NDUFS7: variants seen among roughly 807,000 people sequenced by gnomAD.
The protein encoded by NDUFS7 is NADH:ubiquinone oxidoreductase core subunit S7.
A neutral mutation model predicts 31.1 loss-of-function variants in NDUFS7; 11 were observed. The ratio of observed to expected loss-of-function variants is 0.35; its 90% CI spans 0.22 to 0.59. NDUFS7 has a LOEUF of 0.59. Ranked by LOEUF, NDUFS7 falls within the 20% of genes least tolerant of loss-of-function variation. NDUFS7 has a pLI of 0.79. For synonymous variants in NDUFS7, 136 were observed against 127.9 expected, an observed-to-expected ratio of 1.06 and a Z score of -0.43; for missense variants, 263 against 324.2, an observed-to-expected ratio of 0.81 and a Z score of 1.45.
chr19:1,388,920 C>CCGGGTGA lies in NDUFS7; in HGVS notation c.210_211insCGGGTGA (p.Val71ArgfsTer?). 2 of 1,608,594 alleles carry CCGGGTGA rather than the reference C, an allele frequency of 1.2e-6. No homozygotes were observed. The highest frequency in any genetic ancestry group is 1.7e-6 in the Non-Finnish European group (2 of 1,177,918). On this transcript the variant is annotated frameshift_variant, in exon 4 of 8. Transcript: ENST00000233627. LOFTEE classifies it high-confidence loss of function. ...ATGTGGTGGCCAAGCTGGATGACCT[C>CCGGGTGA]GTCAACTGGGCCCGCCGGGTGAGTA...
chr19:1,395,446 G>A lies in NDUFS7; in HGVS notation c.600G>A (p.Lys200=), dbSNP rs1232761092. Residue 200 remains lysine (K), a synonymous_variant, in exon 8 of 8, where the codon AAG becomes AAA. Transcript: ENST00000233627. The part of the protein sequence containing the change: ...LLYGILQLQR[K]IKRERRLQIW... ...ACGGCATCCTGCAGCTGCAGAGGAA[G>A]ATCAAGCGGGAGCGGAGGCTGCAGA... is the stretch of plus-strand genomic sequence containing the variant. 5.0e-6 allele frequency: 8 copies of A among 1,600,088 alleles called. No homozygotes were observed. In the African/African-American group the frequency reaches 8.0e-5, roughly 16 times the overall value.
At chr19:1,389,042 CACAT>C in intron 4 of NDUFS7, 104 bp downstream of exon 4, 3 of 921,894 alleles carry the variant, frequency 3.3e-6, no homozygotes, top group Admixed American at 2.0e-5. Context: ...ACACACACAA[CACAT>C]GCATGCACAC....
At chr19:1,395,138 G>A (rs559141565) in intron 7 of NDUFS7, 2 of 1,395,616 alleles carry the variant, frequency 1.4e-6, no homozygotes, top group East Asian at 2.7e-5. Context: ...TGTCCGAGAG[G>A]TCCCTGTGAC....
chr19:1,391,579 C>T (rs1438576152), intron 6 of NDUFS7, among the ~76,000 whole-genome samples: 4 of 151,302 alleles, frequency 2.6e-5, no homozygotes, highest in African/African-American at 9.7e-5. Flanking sequence ...CTCCGCCTCC[C>T]AGGTTCAAGC....
At chr19:1,384,093 C>A in intron 1 of NDUFS7, 151 bp downstream of exon 1, 1 of 856,650 alleles carries the variant, frequency 1.2e-6, no homozygotes, top group Non-Finnish European at 1.7e-6. Context: ...GGGCTCCCCG[C>A]CCGGCTTGCG....
intron 6 of NDUFS7, 140 bp downstream of exon 6, chr19:1,391,305 G>T: frequency 9.1e-7 from 1 of 1,099,034 alleles, no homozygotes; most frequent in East Asian, 2.6e-5. Context: ...CAGCCGTCTC[G>T]GTGCCTCCAC....
intron 1 of NDUFS7, among the ~76,000 whole-genome samples, chr19:1,385,851 C>T (rs546006680): frequency 1.3e-5 from 2 of 152,236 alleles, no homozygotes; most frequent in Admixed American, 6.5e-5. Context: ...AAAACCCTGA[C>T]CCAGAGGCAC....
At chr19:1,384,024 G>C in intron 1 of NDUFS7, 82 bp downstream of exon 1, 1 of 1,447,484 alleles carries the variant, frequency 6.9e-7, no homozygotes, top group Non-Finnish European at 9.2e-7. Flanking sequence ...GGCGTCGGGG[G>C]TCGGTGCCGG....
At chr19:1,384,256 C>T in intron 1 of NDUFS7, 1 of 452,472 alleles carries the variant, frequency 2.2e-6, no homozygotes, top group African/African-American at 2.1e-5. Context: ...GCCCGCGAGG[C>T]TGCTCTTGAG....
At chr19:1,389,126 A>C in intron 4 of NDUFS7, 188 bp downstream of exon 4, 1 of 707,796 alleles carries the variant, frequency 1.4e-6, no homozygotes, top group Non-Finnish European at 2.6e-6. Flanking sequence ...ACGCACACTC[A>C]CGCACACAAT....
Position 1,390,771 on chromosome 19 carries a change from C to G in NDUFS7, c.229-100C>G, listed in dbSNP as rs1019743050. On this transcript the variant is annotated intron_variant, in intron 4 of 7. Coordinates refer to ENST00000233627, the MANE Select transcript of NDUFS7 (RefSeq NM_024407.5). ...CTCTCACCTCTGCCGGCTGCCGCCC[C>G]GGGACATGAGTCGGGGGTTCTGGGT... The G allele has an allele frequency of 3.0e-5, 42 of 1,407,392 alleles. No individual in the cohort carries two copies. In the African/African-American group the frequency reaches 4.5e-4, roughly 15 times the overall value. The allele number at this position is 1,407,392 out of a possible 1,614,324, so 87.2% of individuals were successfully genotyped here.
At chr19:1,383,987 G>GT in intron 1 of NDUFS7, 45 bp downstream of exon 1, 1 of 1,542,380 alleles carries the variant, frequency 6.5e-7, no homozygotes, top group South Asian at 1.2e-5. Context: ...GCGGGTCTGG[G>GT]GCCGTGGGAG....
Position 1,387,926 on chromosome 19 carries a change from GTGGGGGGA to G in NDUFS7, c.53+80_53+87del, listed in dbSNP as rs1351595268. 177 of 382,924 alleles carry G rather than the reference GTGGGGGGA, an allele frequency of 4.6e-4. 26 individuals carry two copies. The East Asian group carries it at 4.7e-3, about 10-fold the overall frequency. The allele number at this position is 382,924 out of a possible 1,614,324, so 23.7% of individuals were successfully genotyped here. On this transcript the variant is annotated intron_variant, in intron 2 of 7. Transcript: ENST00000233627. ...ACGAACGGGGCGGGGGGGGTGGGGG[GTGGGGGGA>G]GCGCCTTGTTGAAGGTCACGTGTCA... is the stretch of plus-strand genomic sequence containing the variant.
chr19:1,395,491 C>A lies in NDUFS7; in HGVS notation c.*3C>A, dbSNP rs1190707863. On this transcript the variant is annotated 3_prime_UTR_variant, in exon 8 of 8. Transcript: ENST00000233627. Reference sequence around the variant, plus strand: ...TGCAGATCTGGTACCGCAGGTAGCGCCGCCGCCGCCGCCGCCGGAGCCTGT... The same window carrying A: ...TGCAGATCTGGTACCGCAGGTAGCGACGCCGCCGCCGCCGCCGGAGCCTGT... The A allele has an allele frequency of 1.3e-6, 2 of 1,542,446 alleles. No homozygotes were observed. Among genetic ancestry groups the A allele is most frequent in the Non-Finnish European group, 1.8e-6 (2 of 1,140,784 alleles).
chr19:1,394,927 T>A, intron 7 of NDUFS7: 14 of 1,116,726 alleles, frequency 1.3e-5, no homozygotes, highest in Non-Finnish European at 1.5e-5. Flanking sequence ...GGCTTGGGGC[T>A]CAGAAAGAGG....
intron 2 of NDUFS7, 94 bp downstream of exon 2, chr19:1,387,941 T>A (rs2082520637): frequency 1.4e-6 from 1 of 708,312 alleles, no homozygotes; most frequent in African/African-American, 1.8e-5. Flanking sequence ...GGGAGCGCCT[T>A]GTTGAAGGTC....
At chr19:1,394,265 T>C (rs1305726063) in intron 7 of NDUFS7, 1 of 922,932 alleles carries the variant, frequency 1.1e-6, no homozygotes, top group African/African-American at 1.7e-5. Flanking sequence ...CCGGGGGCAG[T>C]GGAGAGGGCA....
chr19:1,393,042 C>T lies in NDUFS7; in HGVS notation c.456-200C>T, dbSNP rs778119330. 28 of 611,418 alleles carry T rather than the reference C, an allele frequency of 4.6e-5. No homozygotes were observed. The highest frequency in any genetic ancestry group is 3.4e-4 in the Admixed American group (13 of 37,994). The allele number at this position is 611,418 out of a possible 1,614,324, so 37.9% of individuals were successfully genotyped here. On this transcript the variant is annotated intron_variant, in intron 6 of 7. Coordinates refer to ENST00000233627, the MANE Select transcript of NDUFS7 (RefSeq NM_024407.5). This position sits in a 1 kb window ranked among gnomAD's most constrained non-coding sequence, Gnocchi z 7.3. ...GCACTTTTCCCCGAGTTATCAGCCA[C>T]GTGTGAGCTTGCGCCCCACTGGTCC...
chr19:1,391,122 T>C lies in NDUFS7; in HGVS notation c.412T>C (p.Tyr138His). ...ACGGACCCCGCCTCTCTTCCAGGTCTACGACCAGATGCCGGAGCCGCGCTA... is the reference window on the plus strand; with the variant it reads ...ACGGACCCCGCCTCTCTTCCAGGTCCACGACCAGATGCCGGAGCCGCGCTA... ...NKMAPALRKVYDQMPEPRYVV... is the reference protein window; with the variant it reads ...NKMAPALRKVHDQMPEPRYVV... The change falls in exon 6 of 8, where the codon TAC becomes CAC. Residue 138 changes from tyrosine (Y) to histidine (H), a missense_variant. Tyr to His is a moderately conservative substitution (Grantham distance 83). Transcript: ENST00000233627. The C allele has an allele frequency of 6.2e-7, 1 of 1,612,986 alleles. No homozygotes were observed. The highest frequency in any genetic ancestry group is 8.5e-7 in the Non-Finnish European group (1 of 1,179,672).
Sources: allele counts gnomAD v4.1 joint callset (sites outside exome capture counted in the v4.1 genomes callset), GRCh38; gene constraint gnomAD v4.1.1; non-coding constraint Gnocchi (gnomAD v3.1); transcripts MANE v1.5; gene names NCBI Gene and HGNC (gene_info 2026-07-23, HGNC 2026-07-21).